Variants in STAMBPL1 observed in about 807,000 individuals in gnomAD.
STAMBPL1 encodes the protein AMSH-like protease.
In STAMBPL1, 44 loss-of-function variants were observed where a neutral mutation model predicts 52.9. The ratio of observed to expected loss-of-function variants is 0.83; its 90% CI spans 0.65 to 1.07. The LOEUF is 1.07. Ranked by LOEUF, STAMBPL1 falls within the 50% of genes least tolerant of loss-of-function variation. The pLI is 0.00. For missense variants in STAMBPL1, 511 were observed against 520.8 expected (o/e 0.98, Z 0.18); for synonymous variants, 164 against 177.3 (o/e 0.92, Z 0.60).
chr10:88,904,526 A>T (rs1998629), intron 2 of STAMBPL1, among the ~76,000 whole-genome samples: 47,825 of 152,052 alleles, frequency 0.31, 8,076 homozygotes, highest in South Asian at 0.54. Flanking sequence ...GGTCATTTTT[A>T]TCCATATTGT....
At chr10:88,922,737 A>G (rs1011255189) in intron 10 of STAMBPL1, among the ~76,000 whole-genome samples, 1 of 152,228 alleles carries the variant, frequency 6.6e-6, no homozygotes, top group Non-Finnish European at 1.5e-5. Context: ...TAAGTAAACA[A>G]TTATCATAGA....
At position 88,913,193 on chromosome 10, in the gene STAMBPL1, G is replaced by A. The variant is rs773270910; in HGVS notation, c.513G>A (p.Gln171=). 1 of 1,613,748 alleles carries A rather than the reference G, an allele frequency of 6.2e-7. No homozygotes were observed. The highest frequency in any genetic ancestry group is 8.5e-7 in the Non-Finnish European group (1 of 1,179,860). ...RKRIAQMRQQ[Q]LESEQFLFFE... is the part of the protein sequence containing the mutation. ...GGATTGCTCAGATGCGCCAGCAGCA[G>A]CTAGAATCGGAGCAGTTTCTGTTTT... is the stretch of plus-strand genomic sequence containing the variant. The change falls in exon 6 of 11, where the codon CAG becomes CAA. Residue 171 remains glutamine, a synonymous_variant. Coordinates refer to ENST00000371926, the MANE Select transcript of STAMBPL1 (RefSeq NM_020799.4).
At chr10:88,890,992 A>G (rs1425081747) in intron 1 of STAMBPL1, among the ~76,000 whole-genome samples, 1 of 152,180 alleles carries the variant, frequency 6.6e-6, no homozygotes, top group Non-Finnish European at 1.5e-5. Context: ...TGGGCAGATC[A>G]CTTTGTTGGG....
At chr10:88,910,874 T>C (rs1845204022) in intron 4 of STAMBPL1, 42 bp from the exon 5 acceptor site, 12 of 1,405,790 alleles carry the variant, frequency 8.5e-6, no homozygotes, top group Non-Finnish European at 1.2e-5. Context: ...AAAGAGTGTA[T>C]TGAAAATCCC....
At chr10:88,912,511 A>C (rs1041698298) in intron 5 of STAMBPL1, 29 of 152,164 alleles carry the variant, frequency 1.9e-4, no homozygotes, top group African/African-American at 6.3e-4. Flanking sequence ...ATAAATTTCC[A>C]GCAGAGTATG....
intron 3 of STAMBPL1, among the ~76,000 whole-genome samples, 181 bp from the exon 4 acceptor site, chr10:88,908,521 C>T (rs1490973426): frequency 6.6e-6 from 1 of 152,080 alleles, no homozygotes. Flanking sequence ...TGAGCTTAAC[C>T]ATTAATACCA....
intron 1 of STAMBPL1, among the ~76,000 whole-genome samples, chr10:88,886,841 C>T (rs1006509469): frequency 6.6e-6 from 1 of 152,166 alleles, no homozygotes; most frequent in Non-Finnish European, 1.5e-5. Flanking sequence ...ATCAGCTATG[C>T]ACCTTTAATT....
chr10:88,908,000 C>T (rs1845116936), intron 3 of STAMBPL1, among the ~76,000 whole-genome samples: 1 of 152,172 alleles, frequency 6.6e-6, no homozygotes, highest in Admixed American at 6.5e-5. Context: ...TTATTGAGCA[C>T]TTATTATGAG....
chr10:88,889,787 C>A (rs1424359004), intron 1 of STAMBPL1, among the ~76,000 whole-genome samples: 1 of 152,200 alleles, frequency 6.6e-6, no homozygotes, highest in Non-Finnish European at 1.5e-5. Context: ...ATTGTCTAAT[C>A]TACAGATCTT....
chr10:88,883,907 T>C (rs577616384), intron 1 of STAMBPL1, among the ~76,000 whole-genome samples: 7 of 152,318 alleles, frequency 4.6e-5, no homozygotes, highest in African/African-American at 1.7e-4. Context: ...TTTTTTTGTT[T>C]TTGTTTTAGT....
chr10:88,908,091 C>T (rs866753205), intron 3 of STAMBPL1, among the ~76,000 whole-genome samples: 1 of 152,190 alleles, frequency 6.6e-6, no homozygotes. Flanking sequence ...AGTTTCTTCA[C>T]TTTACCTGGA....
rs187027449 is a variant in STAMBPL1, at chr10:88,894,770, G to A, written c.-53-6886G>A. Among the ~76,000 whole-genome samples the A allele has an allele frequency of 2.0e-4, 30 of 152,116 alleles. No individual in the cohort carries two copies. In the East Asian group the frequency reaches 5.4e-3, roughly 27 times the overall value. ...TGTTAATGTTGAATTATGAAGAAAG[G>A]GTTAATGTTTCTATTTTAAGTTAAG... On this transcript the variant is annotated intron_variant, in intron 1 of 10. Transcript: ENST00000371926.
chr10:88,880,467 G>C lies in STAMBPL1; in HGVS notation c.-225G>C, dbSNP rs756787554. ...GGGAGGAGGCACGGCCGAGGCAAAC[G>C]AGCGGACGCCTCGTCGCCGGGTGCC... On this transcript the variant is annotated 5_prime_UTR_variant, in exon 1 of 11. Coordinates refer to ENST00000371926, the MANE Select transcript of STAMBPL1 (RefSeq NM_020799.4). 8 of 152,254 alleles carry C rather than the reference G, an allele frequency of 5.3e-5. No homozygotes were observed. Among genetic ancestry groups the C allele is most frequent in the Non-Finnish European group, 1.5e-5 (1 of 68,044 alleles). The allele number at this position is 152,254 out of a possible 1,614,324, so 9.4% of individuals were successfully genotyped here.
intron 1 of STAMBPL1, chr10:88,882,476 G>A (rs1026344265): frequency 6.6e-6 from 1 of 152,170 alleles, no homozygotes; most frequent in African/African-American, 2.4e-5. Context: ...CTTCCCAGCT[G>A]TAAGAATTTA....
intron 4 of STAMBPL1, 142 bp downstream of exon 4, chr10:88,908,919 A>AT: frequency 1.5e-6 from 1 of 649,626 alleles, no homozygotes; most frequent in Non-Finnish European, 2.5e-6. Context: ...TGATGTTTCG[A>AT]TTTTTTCTTA....
chr10:88,892,178 C>G (rs1844701215), intron 1 of STAMBPL1, among the ~76,000 whole-genome samples: 1 of 152,140 alleles, frequency 6.6e-6, no homozygotes, highest in South Asian at 2.1e-4. Context: ...TTCAGCTGAT[C>G]AGGGCCAGGT....
chr10:88,916,621 TCA>T, intron 7 of STAMBPL1, 57 bp from the exon 8 acceptor site: 1 of 1,527,272 alleles, frequency 6.5e-7, no homozygotes, highest in Non-Finnish European at 8.8e-7. Flanking sequence ...CATTTCCTGT[TCA>T]GTTATTTTTT....
chr10:88,880,577 AG>A lies in STAMBPL1; in HGVS notation c.-114del, dbSNP rs1844374880. The A allele has an allele frequency of 6.6e-6, 1 of 152,262 alleles. No individual in the cohort carries two copies. Among genetic ancestry groups the A allele is most frequent in the Non-Finnish European group, 1.5e-5 (1 of 68,068 alleles). The allele number at this position is 152,262 out of a possible 1,614,324, so 9.4% of individuals were successfully genotyped here. A position where few individuals can be genotyped will look rare whatever the true frequency, so the allele number is the denominator to read the frequency against. ...CGGACGGATGCCAAGGCCACACGGCAGCCACGGGGGCAGCCGTCGCAGTCGC... is the reference window on the plus strand; with the variant it reads ...CGGACGGATGCCAAGGCCACACGGCACCACGGGGGCAGCCGTCGCAGTCGC... On this transcript the variant is annotated 5_prime_UTR_variant, in exon 1 of 11. The change abolishes the stop of an existing upstream ORF in the 5' untranslated region. Coordinates refer to ENST00000371926, the MANE Select transcript of STAMBPL1 (RefSeq NM_020799.4).
Position 88,904,532 on chromosome 10 carries a change from A to G in STAMBPL1, c.31-911A>G, listed in dbSNP as rs560799966. ...CACAGCCAGGGTCATTTTTATCCAT[A>G]TTGTTTATGGTGACTTTCATGCTGA... On this transcript the variant is annotated intron_variant, in intron 2 of 10. Transcript: ENST00000371926. Among the ~76,000 whole-genome samples the G allele has an allele frequency of 4.6e-5, 7 of 152,230 alleles. No homozygotes were observed. In the East Asian group the frequency reaches 1.4e-3, roughly 29 times the overall value.
Sources: allele counts gnomAD v4.1 joint callset (sites outside exome capture counted in the v4.1 genomes callset), GRCh38; gene constraint gnomAD v4.1.1; transcripts MANE v1.5; gene names NCBI Gene and HGNC (gene_info 2026-07-23, HGNC 2026-07-21).